PSEN2: variants seen among roughly 807,000 people sequenced by gnomAD.
PSEN2 encodes presenilin-2.
In PSEN2, 32 loss-of-function variants were observed where a neutral mutation model predicts 49.1. That is an observed-to-expected ratio of 0.65 (90% CI 0.49 to 0.88). PSEN2 has a LOEUF of 0.88. PSEN2 is among the 40% of genes least tolerant of loss of function. The pLI is 0.00. For missense variants in PSEN2, 522 were observed against 586.9 expected, an observed-to-expected ratio of 0.89 and a Z score of 1.14; for synonymous variants, 255 against 244.0, an observed-to-expected ratio of 1.05 and a Z score of -0.42.
At position 226,894,027 on chromosome 1, in the gene PSEN2, G is replaced by A. The variant is rs1449580232; in HGVS notation, c.1093G>A (p.Gly365Arg). 6.2e-6 allele frequency: 10 copies of A among 1,613,984 alleles called. No homozygotes were observed. The highest frequency in any genetic ancestry group is 1.1e-5 in the South Asian group (1 of 91,084). ...CACAGGGGGCGTGAAGCTTGGCCTC[G>A]GGGACTTCATCTTCTACAGTGTGCT... Reference protein sequence around the residue: ...EEERGVKLGLGDFIFYSVLVG... With the variant: ...EEERGVKLGLRDFIFYSVLVG... The change falls in exon 12 of 13, where the codon GGG becomes AGG. Residue 365 changes from glycine (G) to arginine (R), a missense_variant. Coordinates refer to ENST00000366783, the MANE Select transcript of PSEN2 (RefSeq NM_000447.3).
chr1:226,879,038 T>G (rs1031068056), intron 3 of PSEN2, among the ~76,000 whole-genome samples: 2 of 152,090 alleles, frequency 1.3e-5, no homozygotes, highest in African/African-American at 4.8e-5. Context: ...TTCTTTTATT[T>G]ATTTATTTAT....
At chr1:226,894,160 G>T (rs202069038) in intron 12 of PSEN2, 35 bp downstream of exon 12, 2 of 1,575,776 alleles carry the variant, frequency 1.3e-6, no homozygotes, top group Non-Finnish European at 8.7e-7. Context: ...CTGCCTCGTG[G>T]TGGGGGCCCC....
rs753933727 is a variant in PSEN2 at position 226,891,732 on chromosome 1, T to A, written c.971-11T>A. ...GGTGATGACGGACATCTTCTCTTCC[T>A]GGACACCCAGAAGAAGACTCCTATG... On this transcript the variant is annotated splice_polypyrimidine_tract_variant and intron_variant, in intron 10 of 12. Transcript: ENST00000366783. The A allele has an allele frequency of 6.2e-7, 1 of 1,608,796 alleles. No homozygotes were observed. The highest frequency in any genetic ancestry group is 1.1e-5 in the South Asian group (1 of 90,952).
chr1:226,901,092 G>A (rs2102704620), downstream of PSEN2, among the ~76,000 whole-genome samples: 1 of 152,312 alleles, frequency 6.6e-6, no homozygotes, highest in East Asian at 1.9e-4. Flanking sequence ...TCCCTGCAGT[G>A]TGTAATTGAT....
chr1:226,880,464 C>A, intron 3 of PSEN2: 2 of 1,431,156 alleles, frequency 1.4e-6, no homozygotes, highest in Non-Finnish European at 9.3e-7. Context: ...GCTATCCCTG[C>A]CCAGGGTGTG....
At chr1:226,877,730 G>A (rs1571940056) in intron 3 of PSEN2, among the ~76,000 whole-genome samples, 1 of 152,256 alleles carries the variant, frequency 6.6e-6, no homozygotes, top group Admixed American at 6.5e-5. Context: ...AGTGGAATGA[G>A]GGAAGCAGCC....
chr1:226,893,020 C>T (rs1471092242), intron 11 of PSEN2, among the ~76,000 whole-genome samples: 1 of 152,186 alleles, frequency 6.6e-6, no homozygotes, highest in South Asian at 2.1e-4. Context: ...GCAACCTTGA[C>T]TTCCTGGGCT....
rs201163703 is a variant in PSEN2 at position 226,895,721 on chromosome 1, G to A, written c.*142G>A. 1 of 1,040,408 alleles carries A rather than the reference G, an allele frequency of 9.6e-7. No homozygotes were observed. Among genetic ancestry groups the A allele is most frequent in the Non-Finnish European group, 1.4e-6 (1 of 721,156 alleles). The allele number at this position is 1,040,408 out of a possible 1,614,324, so 64.4% of individuals were successfully genotyped here. A position where few individuals can be genotyped will look rare whatever the true frequency, so the allele number is the denominator to read the frequency against. On this transcript the variant is annotated 3_prime_UTR_variant, in exon 13 of 13. Transcript: ENST00000366783. ...TACGTGTTTACTTGGTGAGGAGGAG[G>A]CAGAACCAGCTCTTTGGTGCCAGCT... is the stretch of plus-strand genomic sequence containing the variant.
chr1:226,882,145 G>A lies in PSEN2; in HGVS notation c.141+97G>A. On this transcript the variant is annotated intron_variant, in intron 4 of 12. Coordinates refer to ENST00000366783, the MANE Select transcript of PSEN2 (RefSeq NM_000447.3). ...GACATTCATTCCCTGATGCGGGAGG[G>A]AGAAGGGAAGTAATGATGAGGATTG... 3.4e-6 allele frequency: 5 copies of A among 1,492,080 alleles called. No individual in the cohort carries two copies. In the South Asian group the frequency reaches 6.1e-5, roughly 18 times the overall value. The allele number at this position is 1,492,080 out of a possible 1,614,324, so 92.4% of individuals were successfully genotyped here. A position where few individuals can be genotyped will look rare whatever the true frequency, so the allele number is the denominator to read the frequency against.
chr1:226,875,734 G>A (rs937612047), intron 3 of PSEN2, among the ~76,000 whole-genome samples, 184 bp downstream of exon 3: 2 of 152,214 alleles, frequency 1.3e-5, no homozygotes, highest in Non-Finnish European at 2.9e-5. Context: ...GAAGGTCGAG[G>A]AAATTGGGTC....
chr1:226,890,015 G>A lies in PSEN2; in HGVS notation c.788-20G>A, dbSNP rs1661635737. Reference sequence around the variant, plus strand: ...GGGCTGCCCGGGGATAGTTTGACAAGGATGTCTCTGTCTTCCTAGATCTCG... The same window carrying A: ...GGGCTGCCCGGGGATAGTTTGACAAAGATGTCTCTGTCTTCCTAGATCTCG... On this transcript the variant is annotated intron_variant, in intron 8 of 12. Coordinates refer to ENST00000366783, the MANE Select transcript of PSEN2 (RefSeq NM_000447.3). 2 of 1,597,094 alleles carry A rather than the reference G, an allele frequency of 1.3e-6. No individual in the cohort carries two copies. The highest frequency in any genetic ancestry group is 8.6e-7 in the Non-Finnish European group (1 of 1,164,628).
downstream of PSEN2, among the ~76,000 whole-genome samples, chr1:226,900,914 T>G (rs1418602110): frequency 6.6e-6 from 1 of 152,154 alleles, no homozygotes; most frequent in African/African-American, 2.4e-5. Flanking sequence ...TACCTTCAAT[T>G]CTCGTAACAA....
chr1:226,900,748 C>G (rs529511495), downstream of PSEN2, among the ~76,000 whole-genome samples: 1 of 152,102 alleles, frequency 6.6e-6, no homozygotes, highest in Non-Finnish European at 1.5e-5. Flanking sequence ...TAATGGCCAA[C>G]TGAATATAAG....
intron 3 of PSEN2, among the ~76,000 whole-genome samples, chr1:226,879,988 G>C (rs1042149020): frequency 6.6e-6 from 1 of 152,232 alleles, no homozygotes; most frequent in Admixed American, 6.5e-5. Flanking sequence ...CATAGCCGGG[G>C]TTGCTGTCTT....
At chr1:226,877,580 G>A (rs756771102) in intron 3 of PSEN2, among the ~76,000 whole-genome samples, 5 of 152,196 alleles carry the variant, frequency 3.3e-5, no homozygotes, top group African/African-American at 4.8e-5. Context: ...TGATTAGAGG[G>A]TGCCCTTGCT....
At position 226,883,725 on chromosome 1, in the gene PSEN2, G is replaced by C. The variant is rs146894466; in HGVS notation, c.162G>C (p.Glu54Asp). 184 of 1,614,134 alleles carry C rather than the reference G, an allele frequency of 1.1e-4. No homozygotes were observed. In the African/African-American group the frequency reaches 1.9e-3, roughly 17 times the overall value. ...CACAGAGAAGCCAGGAGAACGAGGA[G>C]GACGGTGAGGAGGACCCTGACCGCT... is the stretch of plus-strand genomic sequence containing the variant. ...TAQWRSQENE[E>D]DGEEDPDRYV... Residue 54 changes from glutamate to aspartate, a missense_variant, in exon 5 of 13, where the codon GAG (glutamate) becomes GAC (aspartate). Glu to Asp is a conservative substitution (Grantham distance 45). Coordinates refer to ENST00000366783, the MANE Select transcript of PSEN2 (RefSeq NM_000447.3).
chr1:226,873,378 A>G (rs1359151658), intron 2 of PSEN2, among the ~76,000 whole-genome samples: 5 of 152,192 alleles, frequency 3.3e-5, no homozygotes, highest in African/African-American at 9.7e-5. Flanking sequence ...GACTCTTTTT[A>G]AAATAAAAGT....
intron 5 of PSEN2, among the ~76,000 whole-genome samples, chr1:226,885,209 A>G (rs1443704454): frequency 6.6e-6 from 1 of 151,922 alleles, no homozygotes; most frequent in Non-Finnish European, 1.5e-5. Context: ...TGGGGGAATG[A>G]GAACTGGATG....
Position 226,891,335 on chromosome 1 carries a change from T to TA in PSEN2, c.944_945insA (p.Gln316ProfsTer14). 2 of 1,613,686 alleles carry TA rather than the reference T, an allele frequency of 1.2e-6. No individual in the cohort carries two copies. Among genetic ancestry groups the TA allele is most frequent in the Non-Finnish European group, 1.7e-6 (2 of 1,179,892 alleles). On this transcript the variant is annotated frameshift_variant, in exon 10 of 13. Coordinates refer to ENST00000366783, the MANE Select transcript of PSEN2 (RefSeq NM_000447.3). LOFTEE classifies it high-confidence loss of function. ...CTGGACCCCTCCTCTCAGGGTGCCC[T>TA]CCAGCTCCCCTACGACCCGGAGATG...
Sources: gnomAD v4.1 joint callset for allele counts (sites outside exome capture counted in the v4.1 genomes callset) on GRCh38, gnomAD v4.1.1 for gene constraint, MANE v1.5 for transcripts, NCBI Gene and HGNC (gene_info 2026-07-23, HGNC 2026-07-21) for gene names.